The following MYRFL variants were observed in gnomAD, a reference collection of about 807,000 sequenced individuals.
MYRFL encodes the protein myelin regulatory factor-like protein.
Under a neutral mutation model 109.4 loss-of-function variants are expected in MYRFL, and 88 were observed. That is an observed-to-expected ratio of 0.80 (90% CI 0.68 to 0.96). The LOEUF (loss-of-function observed/expected upper bound fraction) is 0.96. MYRFL is among the 40% of genes least tolerant of loss of function. The pLI is 0.00. For synonymous variants in MYRFL, 324 were observed against 320.9 expected (o/e 1.01, Z -0.10); for missense variants, 957 against 954.9 (o/e 1.00, Z -0.03).
At chr12:69,869,545 G>A (rs948664587) in intron 2 of MYRFL, among the ~76,000 whole-genome samples, 4 of 152,084 alleles carry the variant, frequency 2.6e-5, no homozygotes, top group South Asian at 2.1e-4. Context: ...TTATATATAC[G>A]GCATATTCAT....
In MYRFL at chr12:69,910,044, T is replaced by C. The variant is rs1286887923; in HGVS notation, c.1459T>C (p.Ser487Pro). The C allele has an allele frequency of 2.9e-5, 44 of 1,534,474 alleles. No individual in the cohort carries two copies. The highest frequency in any genetic ancestry group is 3.7e-5 in the Non-Finnish European group (42 of 1,146,356). Residue 487 changes from serine to proline, a missense_variant, in exon 12 of 25, where the codon TCT (serine) becomes CCT (proline). Transcript: ENST00000552032. ...ATATGACTACAAACCTGAATTTGCA[T>C]CTGCAATGGGAATAAACACTGCCCA... ...VEYDYKPEFA[S>P]AMGINTAHQT...
chr12:69,937,962 G>A (rs185861437), intron 19 of MYRFL, among the ~76,000 whole-genome samples: 3 of 151,596 alleles, frequency 2.0e-5, no homozygotes, highest in East Asian at 3.9e-4. Context: ...GCCTACAAAC[G>A]AGGTGCTTTT....
chr12:69,846,473 C>T (rs1453870562), intron 1 of MYRFL, among the ~76,000 whole-genome samples: 3 of 151,528 alleles, frequency 2.0e-5, no homozygotes, highest in Non-Finnish European at 4.4e-5. Flanking sequence ...TGCGATAGTT[C>T]ACTGAGAATG....
At chr12:69,948,341 T>A (rs1955888231) in intron 19 of MYRFL, among the ~76,000 whole-genome samples, 3 of 152,098 alleles carry the variant, frequency 2.0e-5, no homozygotes, top group South Asian at 2.1e-4. Flanking sequence ...TGCTGTTTTT[T>A]AAAAAAAACC....
chr12:69,944,598 T>G lies in MYRFL; in HGVS notation c.2225-7515T>G, dbSNP rs1430679468. On this transcript the variant is annotated intron_variant, in intron 19 of 24. Coordinates refer to ENST00000552032, the MANE Select transcript of MYRFL (RefSeq NM_182530.3). ...TACCTAAGGCTAGATGACGAGTTAGTGGGTGCAGCACACCAGCATGGCACA... is the reference window on the plus strand; with the variant it reads ...TACCTAAGGCTAGATGACGAGTTAGGGGGTGCAGCACACCAGCATGGCACA... Among the ~76,000 whole-genome samples, 6 of 151,044 alleles carry G rather than the reference T, an allele frequency of 4.0e-5. No individual in the cohort carries two copies. The East Asian group carries it at 9.7e-4, about 25-fold the overall frequency.
chr12:69,847,463 A>G (rs1883627256), intron 1 of MYRFL, among the ~76,000 whole-genome samples: 1 of 152,246 alleles, frequency 6.6e-6, no homozygotes, highest in Non-Finnish European at 1.5e-5. Flanking sequence ...TTACAAAAGT[A>G]ATACATTTAA....
chr12:69,867,867 G>A (rs560794813), intron 2 of MYRFL, among the ~76,000 whole-genome samples: 1 of 152,282 alleles, frequency 6.6e-6, no homozygotes, highest in South Asian at 2.1e-4. Context: ...ATAAGAGAAA[G>A]CCTGAAGAAG....
At chr12:69,917,642 G>A (rs1037723814) in intron 13 of MYRFL, among the ~76,000 whole-genome samples, 15 of 151,844 alleles carry the variant, frequency 9.9e-5, no homozygotes, top group Admixed American at 2.6e-4. Context: ...TTCTCTTTCC[G>A]TTATCTTTCT....
intron 11 of MYRFL, among the ~76,000 whole-genome samples, chr12:69,908,674 T>G (rs11177958): frequency 0.03 from 4,522 of 152,308 alleles, 95 homozygotes; most frequent in Middle Eastern, 0.075. Flanking sequence ...TTTCTCACAT[T>G]GTAATATAAT....
chr12:69,943,949 GC>G (rs1202860571), intron 19 of MYRFL, among the ~76,000 whole-genome samples: 3 of 149,268 alleles, frequency 2.0e-5, no homozygotes, highest in African/African-American at 7.4e-5. Context: ...ATCATCACTG[GC>G]CATCAGAGAA....
intron 13 of MYRFL, among the ~76,000 whole-genome samples, chr12:69,914,228 G>A (rs964706685): frequency 6.6e-6 from 1 of 151,862 alleles, no homozygotes; most frequent in African/African-American, 2.4e-5. Context: ...AAATAAAATA[G>A]GGCCTGTTTT....
intron 2 of MYRFL, among the ~76,000 whole-genome samples, chr12:69,861,846 T>C (rs1392458650): frequency 2.0e-4 from 30 of 151,470 alleles, no homozygotes; most frequent in African/African-American, 6.5e-4. Context: ...TGAATGGTAA[T>C]GCCTAGGTTT....
intron 14 of MYRFL, among the ~76,000 whole-genome samples, 196 bp downstream of exon 14, chr12:69,926,930 C>T (rs1465407875): frequency 4.2e-5 from 2 of 47,792 alleles, no homozygotes; most frequent in Non-Finnish European, 9.6e-5. Flanking sequence ...TTTTCTGTTG[C>T]TGGTTTTTTT....
rs1321391430 is a variant in MYRFL at position 69,926,614 on chromosome 12, G to A, written c.1646G>A (p.Cys549Tyr). 4.6e-6 allele frequency: 7 copies of A among 1,528,416 alleles called. No individual in the cohort carries two copies. The South Asian group carries it at 7.2e-5, about 16-fold the overall frequency. 94.7% of individuals were successfully genotyped at this position (1,528,416 alleles called of 1,614,324 possible). ...AATGTAGGTGCAGTGAAGCAACTGT[G>A]CAAACTAACTAACAACCTTGAGGAA... Reference protein sequence around the residue: ...MENVGAVKQLCKLTNNLEERI... With the variant: ...MENVGAVKQLYKLTNNLEERI... Residue 549 changes from cysteine to tyrosine, a missense_variant, in exon 14 of 25, where the codon TGC becomes TAC. Coordinates refer to ENST00000552032, the MANE Select transcript of MYRFL (RefSeq NM_182530.3).
chr12:69,924,190 G>GAAAAAAAAAAA (rs543542332), intron 13 of MYRFL, among the ~76,000 whole-genome samples: 2 of 79,880 alleles, frequency 2.5e-5, no homozygotes, highest in Non-Finnish European at 4.8e-5. Context: ...CTCCGTCTCA[G>GAAAAAAAAAAA]AAAAAAAAAA....
At chr12:69,839,466 C>T (rs1883125877) in intron 1 of MYRFL, among the ~76,000 whole-genome samples, 1 of 152,090 alleles carries the variant, frequency 6.6e-6, no homozygotes, top group Non-Finnish European at 1.5e-5. Flanking sequence ...TTTTTATTAA[C>T]TTTTAATGTT....
chr12:69,920,817 C>G (rs1057343075), intron 13 of MYRFL, among the ~76,000 whole-genome samples: 1 of 152,210 alleles, frequency 6.6e-6, no homozygotes, highest in African/African-American at 2.4e-5. Flanking sequence ...TTCATGAATG[C>G]TTTCCCATTG....
chr12:69,904,008 CT>C, intron 11 of MYRFL, 164 bp downstream of exon 11: 1 of 604,088 alleles, frequency 1.7e-6, no homozygotes, highest in Non-Finnish European at 2.7e-6. Flanking sequence ...CTGGGCATCT[CT>C]GCTGAAATTG....
chr12:69,851,424 G>A (rs1592700301), intron 1 of MYRFL, among the ~76,000 whole-genome samples: 1 of 152,022 alleles, frequency 6.6e-6, no homozygotes, highest in African/African-American at 2.4e-5. Context: ...TTCATTTTTT[G>A]TATTAAAATA....
Sources: gnomAD v4.1 joint callset for allele counts (sites outside exome capture counted in the v4.1 genomes callset) on GRCh38, gnomAD v4.1.1 for gene constraint, MANE v1.5 for transcripts, NCBI Gene and HGNC (gene_info 2026-07-23, HGNC 2026-07-21) for gene names.